TTLL11: variants seen among roughly 807,000 people sequenced by gnomAD.
TTLL11 encodes the protein tubulin tyrosine ligase like 11, also known as tubulin polyglutamylase TTLL11.
A neutral mutation model predicts 51.7 loss-of-function variants in TTLL11; 42 were observed. That is an observed-to-expected ratio of 0.81 (90% CI 0.64 to 1.05). The LOEUF (loss-of-function observed/expected upper bound fraction) is 1.05. TTLL11 is among the 50% of genes least tolerant of loss of function. The pLI, the probability that TTLL11 is intolerant of heterozygous loss-of-function variation, is 0.00. For missense variants in TTLL11, 799 were observed against 940.4 expected, an observed-to-expected ratio of 0.85 and a Z score of 1.97; for synonymous variants, 381 against 383.5, an observed-to-expected ratio of 0.99 and a Z score of 0.08.
intron 3 of TTLL11, among the ~76,000 whole-genome samples, chr9:121,990,875 G>C (rs1260168403): frequency 6.6e-6 from 1 of 152,106 alleles, no homozygotes; most frequent in Non-Finnish European, 1.5e-5. Context: ...CCAGATAGTC[G>C]ATCTGGACCT....
chr9:121,867,047 T>G (rs1488004689), intron 7 of TTLL11, among the ~76,000 whole-genome samples: 2 of 152,186 alleles, frequency 1.3e-5, no homozygotes, highest in Non-Finnish European at 2.9e-5. Flanking sequence ...CCTCGCCTGG[T>G]TCCAATCTGA....
chr9:122,012,674 A>ATG (rs1323047391), intron 3 of TTLL11, among the ~76,000 whole-genome samples: 65 of 146,370 alleles, frequency 4.4e-4, no homozygotes, highest in Middle Eastern at 3.5e-3. Flanking sequence ...ACACACACAC[A>ATG]CACGCACACA....
Position 122,009,676 on chromosome 9 carries a change from A to G in TTLL11, c.694-19906T>C, listed in dbSNP as rs184385228. 1.8e-3 allele frequency among the ~76,000 whole-genome samples: 275 copies of G among 150,440 alleles called. 1 individual carries two copies. The highest frequency in any genetic ancestry group is 6.3e-3 in the African/African-American group (258 of 41,258). On this transcript the variant is annotated intron_variant, in intron 3 of 8. Coordinates refer to ENST00000321582, the MANE Select transcript of TTLL11 (RefSeq NM_001139442.2). ...CTGTCCAGAGAAGAATGAATGTTGTATATATATATATATGACTTTAAATAA... is the reference window on the plus strand; with the variant it reads ...CTGTCCAGAGAAGAATGAATGTTGTGTATATATATATATGACTTTAAATAA...
At chr9:121,913,414 C>T (rs1048146907) in intron 6 of TTLL11, among the ~76,000 whole-genome samples, 1 of 152,180 alleles carries the variant, frequency 6.6e-6, no homozygotes, top group Non-Finnish European at 1.5e-5. Flanking sequence ...TCTTCTCTGC[C>T]ACTCTGTCAG....
intron 3 of TTLL11, among the ~76,000 whole-genome samples, chr9:122,022,443 T>C (rs1175144479): frequency 6.6e-6 from 1 of 151,960 alleles, no homozygotes; most frequent in Non-Finnish European, 1.5e-5. Context: ...ACAGATTTCT[T>C]TTCAGAAACA....
chr9:122,065,450 T>C (rs956924053), intron 1 of TTLL11, among the ~76,000 whole-genome samples: 1 of 152,228 alleles, frequency 6.6e-6, no homozygotes, highest in African/African-American at 2.4e-5. Flanking sequence ...GCATAGGTTA[T>C]GTGACTTCTG....
At chr9:122,081,947 CA>C (rs950845158) in intron 1 of TTLL11, among the ~76,000 whole-genome samples, 1 of 152,068 alleles carries the variant, frequency 6.6e-6, no homozygotes, top group Non-Finnish European at 1.5e-5. Flanking sequence ...AGACAAATGA[CA>C]AATTAACTTA....
intron 2 of TTLL11, among the ~76,000 whole-genome samples, chr9:122,033,587 A>T (rs1312702111): frequency 6.6e-6 from 1 of 152,216 alleles, no homozygotes; most frequent in Non-Finnish European, 1.5e-5. Flanking sequence ...ATTATCACAC[A>T]TTCCAAATGG....
intron 2 of TTLL11, among the ~76,000 whole-genome samples, chr9:122,035,013 C>T (rs1022524542): frequency 1.3e-5 from 2 of 152,332 alleles, no homozygotes; most frequent in East Asian, 3.9e-4. Context: ...CCCATTTTTC[C>T]GGTGTTCTAT....
chr9:122,061,509 A>T (rs1178457360), intron 1 of TTLL11, among the ~76,000 whole-genome samples: 4 of 152,248 alleles, frequency 2.6e-5, no homozygotes, highest in Admixed American at 2.6e-4. Flanking sequence ...TGAAGAGTAG[A>T]TACATTTTTA....
intron 8 of TTLL11, among the ~76,000 whole-genome samples, chr9:121,833,619 G>A (rs1024557777): frequency 3.9e-5 from 6 of 152,158 alleles, no homozygotes; most frequent in Non-Finnish European, 8.8e-5. Context: ...CACAGGCCCA[G>A]AGAGGCTAAG....
At chr9:121,990,125 C>T (rs376712587) in intron 3 of TTLL11, among the ~76,000 whole-genome samples, 5 of 152,286 alleles carry the variant, frequency 3.3e-5, no homozygotes, top group Admixed American at 1.3e-4. Context: ...CATTTATGAG[C>T]GCCTGTGAAA....
At chr9:122,090,759 C>T (rs193140368) in intron 1 of TTLL11, among the ~76,000 whole-genome samples, 23 of 152,050 alleles carry the variant, frequency 1.5e-4, no homozygotes, top group African/African-American at 5.1e-4. Context: ...GTGAGGGAAA[C>T]GACAATAAAC....
Position 121,999,081 on chromosome 9 carries a change from A to G in TTLL11, c.694-9311T>C, listed in dbSNP as rs375148583. On this transcript the variant is annotated intron_variant, in intron 3 of 8. Coordinates refer to ENST00000321582, the MANE Select transcript of TTLL11 (RefSeq NM_001139442.2). ...CCCTCATCCCTCGATTCTCTTGCCCACTACATCCCCAGCTATCACTGGAAG... is the reference window on the plus strand; with the variant it reads ...CCCTCATCCCTCGATTCTCTTGCCCGCTACATCCCCAGCTATCACTGGAAG... 2.6e-5 allele frequency among the ~76,000 whole-genome samples: 4 copies of G among 152,308 alleles called. No homozygotes were observed. In the East Asian group the frequency reaches 5.8e-4, roughly 22 times the overall value.
Position 121,989,752 on chromosome 9 carries a change from C to G in TTLL11, c.712G>C (p.Asp238His), listed in dbSNP as rs373543178. ...AAAGTGGGCTTCCAGGAGGGGTCATCGTCTTTCACCATTTGAACCTGGAGG... is the reference window on the plus strand; with the variant it reads ...AAAGTGGGCTTCCAGGAGGGGTCATGGTCTTTCACCATTTGAACCTGGAGG... ...FVAQVQMVKD[D>H]DPSWKPTFIV... is the part of the protein sequence containing the mutation. The change falls in exon 4 of 9, where the codon GAT becomes CAT. Residue 238 changes from aspartate to histidine, a missense_variant. Physicochemically the swap from Asp to His is moderately conservative, Grantham distance 81. Coordinates refer to ENST00000321582, the MANE Select transcript of TTLL11 (RefSeq NM_001139442.2). The surrounding 1 kb of genome is among the most constrained non-coding windows in gnomAD (Gnocchi z 4.2). The G allele has an allele frequency of 7.5e-6, 12 of 1,599,480 alleles. No homozygotes were observed. Among genetic ancestry groups the G allele is most frequent in the South Asian group, 1.1e-5 (1 of 89,334 alleles).
At chr9:121,877,518 A>G (rs1049055035) in intron 6 of TTLL11, among the ~76,000 whole-genome samples, 1 of 152,084 alleles carries the variant, frequency 6.6e-6, no homozygotes, top group African/African-American at 2.4e-5. Context: ...CGTTGAGCCT[A>G]TTCCCACCTA....
intron 6 of TTLL11, among the ~76,000 whole-genome samples, chr9:121,880,181 T>C (rs1838732807): frequency 6.6e-6 from 1 of 152,142 alleles, no homozygotes; most frequent in African/African-American, 2.4e-5. Flanking sequence ...CGTAGATGAA[T>C]TGGCTGGTGC....
rs191803892 is a variant in TTLL11, at chr9:122,019,872, A to G, written c.693+11851T>C. On this transcript the variant is annotated intron_variant, in intron 3 of 8. Transcript: ENST00000321582. ...CCCCATACTGTTCTCATGGTAGTGA[A>G]TAAGTCTCACAAGATCTGACTGTTT... Among the ~76,000 whole-genome samples, 10 of 152,336 alleles carry G rather than the reference A, an allele frequency of 6.6e-5. No individual in the cohort carries two copies. The East Asian group carries it at 1.9e-3, about 29-fold the overall frequency.
At chr9:121,900,360 T>C (rs914945653) in intron 6 of TTLL11, among the ~76,000 whole-genome samples, 3 of 152,272 alleles carry the variant, frequency 2.0e-5, no homozygotes, top group Non-Finnish European at 2.9e-5. Context: ...TCAGTCTTAA[T>C]TACCACTGTG....
Sources: allele counts gnomAD v4.1 joint callset (sites outside exome capture counted in the v4.1 genomes callset), GRCh38; gene constraint gnomAD v4.1.1; non-coding constraint Gnocchi (gnomAD v3.1); transcripts MANE v1.5; gene names NCBI Gene and HGNC (gene_info 2026-07-23, HGNC 2026-07-21).